Variants in TYK2 observed in about 807,000 individuals in gnomAD.
TYK2 encodes the protein tyrosine kinase 2.
Under a neutral mutation model 130.9 loss-of-function variants are expected in TYK2, and 65 were observed. That is an observed-to-expected ratio of 0.50 (90% CI 0.41 to 0.61). The LOEUF (loss-of-function observed/expected upper bound fraction) is 0.61, where lower values mean the gene tolerates loss of function less well. Among genes scored for constraint, TYK2 ranks in the 20% least tolerant of loss-of-function variants. TYK2 has a pLI of 0.00. For synonymous variants in TYK2, 647 were observed against 658.9 expected (o/e 0.98, Z 0.28); for missense variants, 1,378 against 1,610.7 (o/e 0.86, Z 2.47).
At chr19:10,378,843 T>G (rs1382632983) in intron 2 of TYK2, among the ~76,000 whole-genome samples, 2 of 32,522 alleles carry the variant, frequency 6.1e-5, no homozygotes, top group East Asian at 1.9e-3. Context: ...ATATCTTATC[T>G]TATCTTATCT....
chr19:10,357,303 C>T (rs1345950690), intron 17 of TYK2: 3 of 586,152 alleles, frequency 5.1e-6, no homozygotes, highest in South Asian at 2.0e-5. Context: ...ACAGGAGAAT[C>T]GCTTGAACCC....
intron 9 of TYK2, among the ~76,000 whole-genome samples, chr19:10,363,232 C>G (rs1470119479): frequency 6.7e-6 from 1 of 150,172 alleles, no homozygotes; most frequent in Non-Finnish European, 1.5e-5. Flanking sequence ...CTCTGTTGCC[C>G]AGGCTGGAGT....
intron 3 of TYK2, among the ~76,000 whole-genome samples, chr19:10,374,133 G>A (rs1264527626): frequency 6.6e-6 from 1 of 152,100 alleles, no homozygotes; most frequent in Non-Finnish European, 1.5e-5. Context: ...AGGCGTGGTG[G>A]TGGGTGCCTA....
chr19:10,371,074 T>C (rs1158429681), intron 3 of TYK2, among the ~76,000 whole-genome samples: 1 of 151,966 alleles, frequency 6.6e-6, no homozygotes, highest in Non-Finnish European at 1.5e-5. Flanking sequence ...AAAGCAATCC[T>C]CCTGCCTCAG....
chr19:10,372,507 T>G (rs1324749588), intron 3 of TYK2, among the ~76,000 whole-genome samples: 1 of 120,756 alleles, frequency 8.3e-6, no homozygotes, highest in Non-Finnish European at 1.7e-5. Context: ...TTTTTTTTTT[T>G]GAGACAGCAT....
chr19:10,359,360 G>T, intron 14 of TYK2, 58 bp from the exon 15 acceptor site: 1 of 1,589,874 alleles, frequency 6.3e-7, no homozygotes, highest in East Asian at 2.2e-5. Context: ...TGGATGGCGG[G>T]GAATTGGGGG....
Position 10,364,673 on chromosome 19 carries a change from G to A in TYK2, c.1308C>T (p.His436=), listed in dbSNP as rs1054523146. ...LTADSSHYLC[H]EVAPPRLVMS... The stretch of plus-strand genomic sequence containing the variant: ...TCACCAGCCGTGGGGGAGCCACCTC[G>A]TGGCACAGGTAGTGGCTGGAGTCGG... Residue 436 remains histidine (H), a synonymous_variant, in exon 9 of 25, where the codon CAC becomes CAT. Transcript: ENST00000525621. The surrounding 1 kb of genome is among the most constrained non-coding windows in gnomAD (Gnocchi z 4.9). The A allele has an allele frequency of 6.2e-7, 1 of 1,613,934 alleles. No individual in the cohort carries two copies.
chr19:10,380,489 C>G lies in TYK2; in HGVS notation c.-295G>C, dbSNP rs1283441839. 1.3e-5 allele frequency: 2 copies of G among 152,510 alleles called. No individual in the cohort carries two copies. The highest frequency in any genetic ancestry group is 3.7e-4 in the East Asian group (2 of 5,334). The allele number at this position is 152,510 out of a possible 1,614,324, so 9.4% of individuals were successfully genotyped here. A position where few individuals can be genotyped will look rare whatever the true frequency, so the allele number is the denominator to read the frequency against. ...TGAGGACCTCCGGCCGCGCTCCTTC[C>G]GCGCCCGCGTCCAGACTCACCCTTC... On this transcript the variant is annotated 5_prime_UTR_variant, in exon 1 of 25. Transcript: ENST00000525621.
At chr19:10,359,331 C>T (rs769862700) in intron 14 of TYK2, 29 bp from the exon 15 acceptor site, 1 of 1,607,016 alleles carries the variant, frequency 6.2e-7, no homozygotes, top group South Asian at 1.1e-5. Flanking sequence ...TCTGGGGCAA[C>T]CTGCCTGCTT....
chr19:10,357,458 G>A (rs533294933), intron 17 of TYK2: 8 of 699,264 alleles, frequency 1.1e-5, no homozygotes, highest in Admixed American at 4.0e-5. Context: ...TGGGTGAGGC[G>A]CATCCTCAGC....
chr19:10,365,152 A>G (rs1182894275), intron 7 of TYK2, 104 bp from the exon 8 acceptor site: 3 of 1,334,836 alleles, frequency 2.2e-6, no homozygotes, highest in Non-Finnish European at 3.0e-6. Flanking sequence ...GCCAGGCACC[A>G]ACCTAGGTTG....
chr19:10,356,913 G>A (rs2041131707), intron 17 of TYK2, 195 bp from the exon 18 acceptor site: 1 of 633,120 alleles, frequency 1.6e-6, no homozygotes, highest in Non-Finnish European at 2.8e-6. Flanking sequence ...TGGGACCCAG[G>A]TCCAGTGATT....
rs1468620978 is a variant in TYK2 at position 10,353,875 on chromosome 19, GGAA to G, written c.2908+164_2908+166del. 68 of 794,418 alleles carry G rather than the reference GGAA, an allele frequency of 8.6e-5. 1 individual carries two copies. The highest frequency in any genetic ancestry group is 1.2e-4 in the Non-Finnish European group (60 of 492,004). The allele number at this position is 794,418 out of a possible 1,614,324, so 49.2% of individuals were successfully genotyped here. Reference sequence around the variant, plus strand: ...CCCAGCAGGTAGCACCCCCCAGATGGGAAGGAGGCAGCCCAGCCACGCTCACCC... The same window carrying G: ...CCCAGCAGGTAGCACCCCCCAGATGGGGAGGCAGCCCAGCCACGCTCACCC... On this transcript the variant is annotated intron_variant, in intron 20 of 24. Coordinates refer to ENST00000525621, the MANE Select transcript of TYK2 (RefSeq NM_003331.5). This position sits in a 1 kb window ranked among gnomAD's most constrained non-coding sequence, Gnocchi z 6.9.
chr19:10,363,128 A>G (rs1161476925), intron 9 of TYK2, among the ~76,000 whole-genome samples: 1 of 150,972 alleles, frequency 6.6e-6, no homozygotes, highest in Non-Finnish European at 1.5e-5. Context: ...TGCCAGCCTC[A>G]GCCTCCCAAA....
In TYK2 at chr19:10,363,744, T is replaced by C. The variant is rs558502356; in HGVS notation, c.1367+870A>G. Among the ~76,000 whole-genome samples the C allele has an allele frequency of 2.6e-5, 4 of 152,328 alleles. No homozygotes were observed. In the East Asian group the frequency reaches 5.8e-4, roughly 22 times the overall value. On this transcript the variant is annotated intron_variant, in intron 9 of 24. Transcript: ENST00000525621. ...CACAAACATGCACTATAAAGTGTCA[T>C]GGTCACATAGGTCCAGACACCTACA...
intron 3 of TYK2, among the ~76,000 whole-genome samples, chr19:10,377,738 GTGGGTGGA>G (rs2042208149): frequency 6.6e-5 from 3 of 45,574 alleles, no homozygotes; most frequent in Non-Finnish European, 1.3e-4. Context: ...GGATGGGTGG[GTGGGTGGA>G]TAGGTGGGTG....
intron 14 of TYK2, among the ~76,000 whole-genome samples, chr19:10,359,571 C>T (rs886141593): frequency 4.6e-5 from 7 of 152,186 alleles, no homozygotes; most frequent in African/African-American, 7.2e-5. Flanking sequence ...GTGGGCTGGG[C>T]GTAGTGGCTC....
chr19:10,379,222 G>A (rs936022850), intron 2 of TYK2, among the ~76,000 whole-genome samples: 4 of 151,942 alleles, frequency 2.6e-5, no homozygotes, highest in Non-Finnish European at 5.9e-5. Flanking sequence ...CAAGCTACTC[G>A]GGAGGCTGAA....
chr19:10,373,333 T>C (rs1016343205), intron 3 of TYK2, among the ~76,000 whole-genome samples: 1 of 151,682 alleles, frequency 6.6e-6, no homozygotes, highest in Non-Finnish European at 1.5e-5. Flanking sequence ...CTACGGCACC[T>C]GGCCAATGTT....
Sources: gnomAD v4.1 joint callset for allele counts (sites outside exome capture counted in the v4.1 genomes callset) on GRCh38, gnomAD v4.1.1 for gene constraint, Gnocchi (gnomAD v3.1) non-coding constraint, MANE v1.5 for transcripts, NCBI Gene and HGNC (gene_info 2026-07-23, HGNC 2026-07-21) for gene names.